Variants in NWD2 observed in about 807,000 individuals in gnomAD.
The protein encoded by NWD2 is NACHT and WD repeat domain containing 2, also known as NACHT and WD repeat domain-containing protein 2.
In NWD2, 37 loss-of-function variants were observed where a neutral mutation model predicts 132.7. That is an observed-to-expected ratio of 0.28 (90% CI 0.21 to 0.37). The LOEUF is 0.37. Ranked by LOEUF, NWD2 falls within the 10% of genes least tolerant of loss-of-function variation. The probability of loss-of-function intolerance (pLI) is 1.00; values close to 1 mark genes in which losing one functional copy is unlikely to be tolerated. For missense variants in NWD2, 1,592 were observed against 2,122.4 expected, an observed-to-expected ratio of 0.75 and a Z score of 4.91; for synonymous variants, 705 against 803.0, an observed-to-expected ratio of 0.88 and a Z score of 2.06.
intron 3 of NWD2, among the ~76,000 whole-genome samples, chr4:37,429,701 G>A (rs1712117421): frequency 6.6e-6 from 1 of 152,158 alleles, no homozygotes; most frequent in African/African-American, 2.4e-5. Context: ...CAATATAGTT[G>A]TATGATACAA....
chr4:37,375,654 C>T (rs984429617), intron 3 of NWD2, among the ~76,000 whole-genome samples: 11 of 151,668 alleles, frequency 7.3e-5, no homozygotes, highest in East Asian at 1.9e-4. Flanking sequence ...CTGCAAGCTC[C>T]GCCTCCCGGG....
Position 37,371,880 on chromosome 4 carries a change from T to G in NWD2, c.357+15398T>G, listed in dbSNP as rs553513224. ...GGCAAACTTTTTATATTTTAACATT[T>G]TTTTCTAGAGTGAAGCAGAGCTGTA... On this transcript the variant is annotated intron_variant, in intron 3 of 6. Coordinates refer to ENST00000309447, the MANE Select transcript of NWD2 (RefSeq NM_001144990.2). Among the ~76,000 whole-genome samples the G allele has an allele frequency of 1.2e-3, 189 of 152,314 alleles. 1 individual carries two copies. Among genetic ancestry groups the G allele is most frequent in the African/African-American group, 4.4e-3 (183 of 41,566 alleles).
chr4:37,406,283 G>A (rs1371724257), intron 3 of NWD2, among the ~76,000 whole-genome samples: 1 of 152,044 alleles, frequency 6.6e-6, no homozygotes, highest in African/African-American at 2.4e-5. Context: ...CCCAAGCATT[G>A]GCCTGTCTCA....
intron 3 of NWD2, among the ~76,000 whole-genome samples, chr4:37,405,131 T>G (rs1365777537): frequency 6.6e-6 from 1 of 152,190 alleles, no homozygotes; most frequent in Non-Finnish European, 1.5e-5. Flanking sequence ...GTGTAAAGAT[T>G]TTCCTGTAGT....
chr4:37,363,202 C>G (rs28674872), intron 3 of NWD2, among the ~76,000 whole-genome samples: 3 of 151,948 alleles, frequency 2.0e-5, no homozygotes, highest in East Asian at 1.9e-4. Context: ...TATACATTGT[C>G]GGTGGAAATG....
intron 3 of NWD2, among the ~76,000 whole-genome samples, chr4:37,368,302 A>C (rs562510008): frequency 2.8e-4 from 42 of 152,286 alleles, no homozygotes; most frequent in Non-Finnish European, 5.0e-4. Context: ...CTTACCTAGC[A>C]TCTAATTACG....
chr4:37,258,963 G>T (rs1346125910), intron 1 of NWD2, among the ~76,000 whole-genome samples: 1 of 152,186 alleles, frequency 6.6e-6, no homozygotes, highest in Non-Finnish European at 1.5e-5. Context: ...TGCTCCAGTG[G>T]GTGGGTAAGC....
At chr4:37,309,635 A>G (rs1718790219) in intron 1 of NWD2, among the ~76,000 whole-genome samples, 1 of 152,148 alleles carries the variant, frequency 6.6e-6, no homozygotes, top group Non-Finnish European at 1.5e-5. Context: ...CCCTCCCTAC[A>G]CTAGTCTCAA....
chr4:37,394,475 G>A (rs1720739559), intron 3 of NWD2, among the ~76,000 whole-genome samples: 1 of 152,146 alleles, frequency 6.6e-6, no homozygotes, highest in East Asian at 1.9e-4. Context: ...CCCAGAAATA[G>A]GCATTTAAGT....
chr4:37,314,499 T>C (rs553047714), intron 1 of NWD2, among the ~76,000 whole-genome samples: 25 of 152,332 alleles, frequency 1.6e-4, no homozygotes, highest in African/African-American at 6.0e-4. Context: ...TTTAGTAATA[T>C]GTGTGTTCCT....
At chr4:37,358,671 A>C (rs1719917607) in intron 3 of NWD2, among the ~76,000 whole-genome samples, 1 of 152,162 alleles carries the variant, frequency 6.6e-6, no homozygotes, top group South Asian at 2.1e-4. Flanking sequence ...TGATAATAAC[A>C]GTTATCTACC....
intron 3 of NWD2, among the ~76,000 whole-genome samples, chr4:37,373,663 C>G (rs2109306237): frequency 6.6e-6 from 1 of 152,274 alleles, no homozygotes; most frequent in Middle Eastern, 3.4e-3. Context: ...TACTAAATAT[C>G]TATTAGATGC....
chr4:37,435,297 C>T (rs975545146), intron 5 of NWD2, among the ~76,000 whole-genome samples: 2 of 152,152 alleles, frequency 1.3e-5, no homozygotes, highest in Admixed American at 6.5e-5. Flanking sequence ...TCGTGAAAAC[C>T]TAAAAGGCAC....
At chr4:37,355,631 A>G (rs867686232) in intron 2 of NWD2, among the ~76,000 whole-genome samples, 6 of 152,214 alleles carry the variant, frequency 3.9e-5, no homozygotes, top group Admixed American at 6.5e-5. Flanking sequence ...CAGCTGAGTG[A>G]AGGTAATGAA....
intron 3 of NWD2, among the ~76,000 whole-genome samples, chr4:37,365,050 T>C (rs1720069821): frequency 1.3e-5 from 2 of 152,210 alleles, no homozygotes. Context: ...TTATAGCATA[T>C]AGGTCAGTTC....
chr4:37,246,816 G>C (rs1390256799), intron 1 of NWD2, among the ~76,000 whole-genome samples: 1 of 151,996 alleles, frequency 6.6e-6, no homozygotes, highest in Non-Finnish European at 1.5e-5. Context: ...TTAAACTTGT[G>C]GCTTCTAAAA....
chr4:37,385,390 A>G (rs541277450), intron 3 of NWD2, among the ~76,000 whole-genome samples: 10 of 152,324 alleles, frequency 6.6e-5, no homozygotes, highest in African/African-American at 2.4e-4. Flanking sequence ...TGGGTTTGCT[A>G]AAATTTCACC....
intron 3 of NWD2, among the ~76,000 whole-genome samples, chr4:37,398,297 T>A (rs1720839107): frequency 1.3e-5 from 2 of 152,164 alleles, no homozygotes; most frequent in Admixed American, 6.5e-5. Context: ...CATGTCCTTT[T>A]CACGGACATG....
At chr4:37,407,993 A>G (rs1721079436) in intron 3 of NWD2, among the ~76,000 whole-genome samples, 1 of 152,166 alleles carries the variant, frequency 6.6e-6, no homozygotes, top group East Asian at 1.9e-4. Context: ...GAACTCCAGC[A>G]CAGATACTGC....
Sources: allele counts gnomAD v4.1 joint callset (sites outside exome capture counted in the v4.1 genomes callset), GRCh38; gene constraint gnomAD v4.1.1; transcripts MANE v1.5; gene names NCBI Gene and HGNC (gene_info 2026-07-23, HGNC 2026-07-21).